Variants in IGSF21 observed in about 807,000 individuals in gnomAD.
The protein encoded by IGSF21 is immunoglobulin superfamily member 21.
In IGSF21, 28 loss-of-function variants were observed where a neutral mutation model predicts 46.8. That is an observed-to-expected ratio of 0.60 (90% confidence interval 0.44 to 0.82). IGSF21 has a LOEUF of 0.82. IGSF21 is among the 40% of genes least tolerant of loss of function. The pLI is 0.00. For missense variants in IGSF21, 624 were observed against 665.5 expected (o/e 0.94, Z 0.69); for synonymous variants, 284 against 273.6 (o/e 1.04, Z -0.38).
intron 1 of IGSF21, among the ~76,000 whole-genome samples, chr1:18,201,435 G>A (rs2124483168): frequency 6.6e-6 from 1 of 152,320 alleles, no homozygotes; most frequent in African/African-American, 2.4e-5. Flanking sequence ...CTGAAGGAAA[G>A]CCTCACCACG....
At chr1:18,162,543 A>G (rs2086637455) in intron 1 of IGSF21, among the ~76,000 whole-genome samples, 1 of 152,182 alleles carries the variant, frequency 6.6e-6, no homozygotes, top group Non-Finnish European at 1.5e-5. Context: ...ACTGTGGTGC[A>G]AAGTGGTTTT....
At chr1:18,182,173 CTTTTT>C (rs35016415) in intron 1 of IGSF21, among the ~76,000 whole-genome samples, 1 of 108,948 alleles carries the variant, frequency 9.2e-6, no homozygotes. Context: ...TGAAAGGTGT[CTTTTT>C]TTTTTTTTTT....
chr1:18,283,035 C>T (rs1188746373), intron 2 of IGSF21, among the ~76,000 whole-genome samples: 3 of 152,200 alleles, frequency 2.0e-5, no homozygotes, highest in Non-Finnish European at 4.4e-5. Flanking sequence ...GATGGGGTCC[C>T]AGCTCACACC....
chr1:18,196,768 T>A lies in IGSF21; in HGVS notation c.71-31130T>A, dbSNP rs553339605. ...TCACAACCCTAGGCAGTGACGGAGCTGGGACTTGAACACATGATCTTGAGC... is the reference window on the plus strand; with the variant it reads ...TCACAACCCTAGGCAGTGACGGAGCAGGGACTTGAACACATGATCTTGAGC... On this transcript the variant is annotated intron_variant, in intron 1 of 9. Transcript: ENST00000251296. Among the ~76,000 whole-genome samples, 15 of 152,302 alleles carry A rather than the reference T, an allele frequency of 9.8e-5. No individual in the cohort carries two copies. The East Asian group carries it at 2.5e-3, about 26-fold the overall frequency.
chr1:18,293,318 G>C (rs2085284847), intron 3 of IGSF21, among the ~76,000 whole-genome samples: 1 of 152,206 alleles, frequency 6.6e-6, no homozygotes, highest in East Asian at 1.9e-4. Flanking sequence ...GGTGAAATTA[G>C]AAAGCGGGAC....
At chr1:18,316,485 C>T (rs565210837) in intron 3 of IGSF21, among the ~76,000 whole-genome samples, 1 of 152,288 alleles carries the variant, frequency 6.6e-6, no homozygotes, top group East Asian at 1.9e-4. Context: ...TCTATCCAAC[C>T]TTGAACTCTG....
chr1:18,118,051 C>T (rs2086202472), intron 1 of IGSF21, among the ~76,000 whole-genome samples: 1 of 152,190 alleles, frequency 6.6e-6, no homozygotes, highest in Non-Finnish European at 1.5e-5. Context: ...CTTGGCAGCA[C>T]TTCAGTAGGG....
intron 2 of IGSF21, among the ~76,000 whole-genome samples, chr1:18,288,315 G>A (rs1366694259): frequency 6.6e-6 from 1 of 152,168 alleles, no homozygotes; most frequent in Admixed American, 6.5e-5. Context: ...CCTCCAAGGG[G>A]ATTCTTGGCT....
chr1:18,108,298 CT>C (rs1395972681), intron 1 of IGSF21, 100 bp downstream of exon 1: 4 of 1,171,246 alleles, frequency 3.4e-6, no homozygotes, highest in Admixed American at 4.4e-5. Context: ...GAGGCTCGGG[CT>C]ACGAGCACCG....
chr1:18,172,112 T>A (rs2086742782), intron 1 of IGSF21, among the ~76,000 whole-genome samples: 1 of 152,232 alleles, frequency 6.6e-6, no homozygotes, highest in Non-Finnish European at 1.5e-5. Context: ...CTTGGGACTT[T>A]GATGAGGGCC....
chr1:18,331,570 T>C (rs768513832), intron 3 of IGSF21, among the ~76,000 whole-genome samples: 2 of 152,266 alleles, frequency 1.3e-5, no homozygotes, highest in Non-Finnish European at 2.9e-5. Context: ...GCTATAAACA[T>C]GCGTGTGCAA....
chr1:18,238,210 C>T (rs2084691056), intron 2 of IGSF21, among the ~76,000 whole-genome samples: 1 of 152,124 alleles, frequency 6.6e-6, no homozygotes, highest in African/African-American at 2.4e-5. Context: ...TCATCAAGGT[C>T]CATATTTAGG....
At position 18,365,429 on chromosome 1, in the gene IGSF21, C is replaced by T. The variant is rs2086153049; in HGVS notation, c.747C>T (p.Gly249=). 1.9e-6 allele frequency: 3 copies of T among 1,614,102 alleles called. No individual in the cohort carries two copies. The highest frequency in any genetic ancestry group is 2.5e-6 in the Non-Finnish European group (3 of 1,180,020). Residue 249 remains glycine (G), a synonymous_variant, in exon 6 of 10, where the codon GGC becomes GGT. Coordinates refer to ENST00000251296, the MANE Select transcript of IGSF21 (RefSeq NM_032880.5). The surrounding 1 kb of genome is among the most constrained non-coding windows in gnomAD (Gnocchi z 4.8). ...CCTACACGGAGCGCCCCTCCCGTGG[C>T]CTGACCCCAGATCCCAACATCCTCC... ...GRPYTERPSR[G]LTPDPNILLQ... is the part of the protein sequence containing the mutation.
intron 1 of IGSF21, among the ~76,000 whole-genome samples, chr1:18,147,129 C>T (rs561231547): frequency 3.2e-4 from 49 of 152,318 alleles, no homozygotes; most frequent in African/African-American, 1.0e-3. Context: ...GCTGGTCTTG[C>T]GGCTGCCACC....
intron 2 of IGSF21, among the ~76,000 whole-genome samples, chr1:18,273,292 C>T (rs1267998038): frequency 2.0e-5 from 3 of 151,342 alleles, no homozygotes; most frequent in South Asian, 2.1e-4. Flanking sequence ...CCACCCACCT[C>T]GGCCTCCCAA....
intron 4 of IGSF21, among the ~76,000 whole-genome samples, chr1:18,341,474 C>T (rs1311829581): frequency 6.6e-6 from 1 of 152,176 alleles, no homozygotes; most frequent in African/African-American, 2.4e-5. Context: ...CACCAAGATT[C>T]CCTGTCTGAC....
At chr1:18,292,911 C>T (rs759411669) in intron 3 of IGSF21, among the ~76,000 whole-genome samples, 19 of 152,318 alleles carry the variant, frequency 1.2e-4, no homozygotes, top group Non-Finnish European at 2.5e-4. Flanking sequence ...CACGCCACAC[C>T]GCCAAATGCT....
chr1:18,113,607 C>CCCCCA (rs2086162210), intron 1 of IGSF21: 1 of 118,492 alleles, frequency 8.4e-6, no homozygotes, highest in Non-Finnish European at 1.8e-5. Flanking sequence ...CCGCACCCCA[C>CCCCCA]CCCCACCCCA....
At chr1:18,115,519 C>A (rs2086180101) in intron 1 of IGSF21, 1 of 152,178 alleles carries the variant, frequency 6.6e-6, no homozygotes, top group Admixed American at 6.5e-5. Context: ...AGGTTTGGTT[C>A]AAACACCAGA....
Sources: allele counts gnomAD v4.1 joint callset (sites outside exome capture counted in the v4.1 genomes callset), GRCh38; gene constraint gnomAD v4.1.1; non-coding constraint Gnocchi (gnomAD v3.1); transcripts MANE v1.5; gene names NCBI Gene and HGNC (gene_info 2026-07-23, HGNC 2026-07-21).